Variants in NUP153 observed in about 807,000 individuals in gnomAD.
NUP153 encodes the protein nuclear pore complex protein Nup153.
NUP153 carries 27 observed loss-of-function variants against 134.6 expected under a neutral mutation model. The ratio of observed to expected loss-of-function variants is 0.20; its 90% CI spans 0.15 to 0.28. The LOEUF is 0.28. NUP153 is among the 10% of genes least tolerant of loss of function. The pLI, the probability that NUP153 is intolerant of heterozygous loss-of-function variation, is 1.00. For synonymous variants in NUP153, 640 were observed against 623.5 expected (o/e 1.03, Z -0.40); for missense variants, 1,821 against 1,731.3 (o/e 1.05, Z -0.92).
chr6:17,640,057 A>C lies in NUP153; in HGVS notation c.1728T>G (p.His576Gln), dbSNP rs1304288977. 1.3e-5 allele frequency: 20 copies of C among 1,558,940 alleles called. No individual in the cohort carries two copies. The highest frequency in any genetic ancestry group is 1.6e-5 in the Non-Finnish European group (19 of 1,156,344). ...AATTTGTACTGTTCACTGTAGTGAC[A>C]TGATGAGCTGTAATTTTTTTAAATT... ...LEPIISSSAH[H>Q]VTTVNSTNCK... The change falls in exon 15 of 22, where the codon CAT becomes CAG. Residue 576 changes from histidine to glutamine, a missense_variant. By Grantham distance (24) the His-to-Gln change is conservative. Transcript: ENST00000262077.
At position 17,701,797 on chromosome 6, in the gene NUP153, C is replaced by T. The variant is rs535105830; in HGVS notation, c.111+4480G>A. On this transcript the variant is annotated intron_variant, in intron 1 of 21. Coordinates refer to ENST00000262077, the MANE Select transcript of NUP153 (RefSeq NM_005124.4). ...GCAGTGAGCCAAGATTGTGCCACTG[C>T]ACTCCAGCCTGGGCAACAGAGCAAG... Among the ~76,000 whole-genome samples the T allele has an allele frequency of 9.3e-5, 13 of 140,018 alleles. No homozygotes were observed. The South Asian group carries it at 2.2e-3, about 24-fold the overall frequency. 91.9% of individuals were successfully genotyped at this position (140,018 alleles called of 152,430 possible).
At chr6:17,626,780 GTTTCC>G (rs1488019423) in intron 18 of NUP153, among the ~76,000 whole-genome samples, 2 of 152,124 alleles carry the variant, frequency 1.3e-5, no homozygotes, top group Non-Finnish European at 2.9e-5. Context: ...TTCTTGTGTG[GTTTCC>G]TTTCCATGTG....
intron 16 of NUP153, among the ~76,000 whole-genome samples, chr6:17,636,899 A>G (rs1765577390): frequency 6.6e-6 from 1 of 152,218 alleles, no homozygotes; most frequent in Non-Finnish European, 1.5e-5. Flanking sequence ...TCAACTTTGA[A>G]CAAGAAATTT....
intron 14 of NUP153, among the ~76,000 whole-genome samples, chr6:17,641,478 T>C (rs1366735657): frequency 6.6e-6 from 1 of 151,694 alleles, no homozygotes; most frequent in East Asian, 1.9e-4. Context: ...GAGGTTGCAG[T>C]GAGCCAAGAT....
At chr6:17,659,367 T>C (rs1347256242) in intron 11 of NUP153, among the ~76,000 whole-genome samples, 1 of 152,266 alleles carries the variant, frequency 6.6e-6, no homozygotes, top group Non-Finnish European at 1.5e-5. Context: ...TGTTTGAGCC[T>C]AGTTAAATAA....
At position 17,628,602 on chromosome 6, in the gene NUP153, A is replaced by G. The variant is rs1359983237; in HGVS notation, c.3544+53T>C. 5.2e-6 allele frequency: 5 copies of G among 965,166 alleles called. No individual in the cohort carries two copies. In the African/African-American group the frequency reaches 1.2e-4, roughly 23 times the overall value. The allele number at this position is 965,166 out of a possible 1,614,324, so 59.8% of individuals were successfully genotyped here. On this transcript the variant is annotated intron_variant, in intron 18 of 21. Transcript: ENST00000262077. This position sits in a 1 kb window ranked among gnomAD's most constrained non-coding sequence, Gnocchi z 5.4. ...ATCTGTCAAGGCAACTTGTAAAACG[A>G]CAACTTGTAAAAAAAAAAATAATAA...
At chr6:17,697,777 T>G (rs922113414) in intron 1 of NUP153, among the ~76,000 whole-genome samples, 1 of 152,042 alleles carries the variant, frequency 6.6e-6, no homozygotes, top group Non-Finnish European at 1.5e-5. Context: ...GGAAGGCTAT[T>G]CTATAACACT....
intron 1 of NUP153, among the ~76,000 whole-genome samples, chr6:17,690,676 T>C (rs909213165): frequency 2.0e-5 from 3 of 151,240 alleles, no homozygotes; most frequent in African/African-American, 7.3e-5. Flanking sequence ...AAAGAAAGAG[T>C]CAAAGAAAGG....
chr6:17,681,843 T>C (rs564172495), intron 2 of NUP153, among the ~76,000 whole-genome samples: 3 of 152,254 alleles, frequency 2.0e-5, no homozygotes, highest in Admixed American at 6.5e-5. Context: ...AGAAAAGTGA[T>C]AGGATAATTT....
rs1764838455 is a variant in NUP153, at chr6:17,624,749, T to C, written c.3986A>G (p.Gln1329Arg). ...FGANQTPTFGQSQGASQPNPP... is the reference protein window; with the variant it reads ...FGANQTPTFGRSQGASQPNPP... Reference sequence around the variant, plus strand: ...ATTGGGCTGGCTGGCACCTTGACTTTGTCCAAATGTTGGGGTCTGGTTAGC... The same window carrying C: ...ATTGGGCTGGCTGGCACCTTGACTTCGTCCAAATGTTGGGGTCTGGTTAGC... The change falls in exon 20 of 22, where the codon CAA (glutamine) becomes CGA (arginine). Residue 1329 changes from glutamine to arginine, a missense_variant. Physicochemically the swap from Gln to Arg is conservative, Grantham distance 43. Transcript: ENST00000262077. The C allele has an allele frequency of 6.2e-7, 1 of 1,614,042 alleles. No individual in the cohort carries two copies. The highest frequency in any genetic ancestry group is 1.7e-5 in the Admixed American group (1 of 60,004).
chr6:17,688,229 A>C (rs1769058849), intron 2 of NUP153, among the ~76,000 whole-genome samples, 167 bp downstream of exon 2: 1 of 152,242 alleles, frequency 6.6e-6, no homozygotes, highest in South Asian at 2.1e-4. Flanking sequence ...TTCCTTAATA[A>C]ATAAAACACT....
intron 1 of NUP153, among the ~76,000 whole-genome samples, chr6:17,697,473 G>T (rs1769727248): frequency 6.6e-6 from 1 of 152,214 alleles, no homozygotes; most frequent in Non-Finnish European, 1.5e-5. Context: ...GTCACCTGAG[G>T]TCAGGAGTTC....
At chr6:17,623,878 T>C (rs1764778426) in intron 20 of NUP153, among the ~76,000 whole-genome samples, 1 of 152,058 alleles carries the variant, frequency 6.6e-6, no homozygotes, top group Non-Finnish European at 1.5e-5. Flanking sequence ...GTGATTACCA[T>C]AAAAGACAAG....
rs1465988307 is a variant in NUP153 at position 17,675,260 on chromosome 6, A to G, written c.692T>C (p.Phe231Ser). Residue 231 changes from phenylalanine (F) to serine (S), a missense_variant, in exon 4 of 22, where the codon TTC becomes TCC. Coordinates refer to ENST00000262077, the MANE Select transcript of NUP153 (RefSeq NM_005124.4). The surrounding 1 kb of genome is among the most constrained non-coding windows in gnomAD (Gnocchi z 4.4). ...AAGTGTTCCAAAGGCAGACAAGTTG[A>G]ATGCTGGTTTTTTTGAGCTGGTGGC... ...HTATSSKKPA[F>S]NLSAFGTLSP... The G allele has an allele frequency of 6.2e-7, 1 of 1,614,066 alleles. No individual in the cohort carries two copies. The highest frequency in any genetic ancestry group is 2.2e-5 in the East Asian group (1 of 44,898).
At chr6:17,632,963 CT>C (rs1765338727) in intron 16 of NUP153, 119 bp from the exon 17 acceptor site, 3 of 686,880 alleles carry the variant, frequency 4.4e-6, no homozygotes, top group Non-Finnish European at 6.8e-6. Context: ...ATAATATTTC[CT>C]ATTAAAACAC....
chr6:17,639,285 G>A (rs554114644), intron 15 of NUP153, among the ~76,000 whole-genome samples: 1 of 152,084 alleles, frequency 6.6e-6, no homozygotes, highest in South Asian at 2.1e-4. Flanking sequence ...CGCCATGTTG[G>A]CCAGGCTGGT....
intron 2 of NUP153, among the ~76,000 whole-genome samples, chr6:17,681,140 G>A (rs767059647): frequency 1.7e-4 from 26 of 151,392 alleles, no homozygotes; most frequent in Non-Finnish European, 2.9e-4. Context: ...TGGAACTGCA[G>A]AACATCACAT....
At chr6:17,630,568 CAGG>C (rs1368907346) in intron 17 of NUP153, among the ~76,000 whole-genome samples, 1 of 152,028 alleles carries the variant, frequency 6.6e-6, no homozygotes, top group African/African-American at 2.4e-5. Context: ...GAGGCTGAGG[CAGG>C]AGAATTGCTT....
chr6:17,701,322 G>C (rs1049176842), intron 1 of NUP153, among the ~76,000 whole-genome samples: 1 of 151,958 alleles, frequency 6.6e-6, no homozygotes, highest in African/African-American at 2.4e-5. Context: ...GCAGTGAGGA[G>C]TTCGAGACCA....
Sources: gnomAD v4.1 joint callset for allele counts (sites outside exome capture counted in the v4.1 genomes callset) on GRCh38, gnomAD v4.1.1 for gene constraint, Gnocchi (gnomAD v3.1) non-coding constraint, MANE v1.5 for transcripts, NCBI Gene and HGNC (gene_info 2026-07-23, HGNC 2026-07-21) for gene names.